USH2A: variants seen among roughly 807,000 people sequenced by gnomAD.
USH2A encodes the protein Usher syndrome 2A (autosomal recessive, mild).
A neutral mutation model predicts 538.9 loss-of-function variants in USH2A; 443 were observed. The ratio of observed to expected loss-of-function variants is 0.82; its 90% CI spans 0.76 to 0.89. The LOEUF is 0.89. USH2A is among the 40% of genes least tolerant of loss of function. The pLI, the probability that USH2A is intolerant of heterozygous loss-of-function variation, is 0.00. For missense variants in USH2A, 6,633 were observed against 6,324.8 expected (o/e 1.05, Z -1.65); for synonymous variants, 2,413 against 2,273.5 (o/e 1.06, Z -1.75).
At chr1:216,166,898 C>A (rs140433042) in intron 21 of USH2A, among the ~76,000 whole-genome samples, 5 of 152,086 alleles carry the variant, frequency 3.3e-5, no homozygotes, top group Non-Finnish European at 7.4e-5. Flanking sequence ...CCCAAGGATG[C>A]CCCTTTTTTG....
chr1:216,392,292 A>T (rs1032104852), intron 3 of USH2A, among the ~76,000 whole-genome samples: 1 of 151,970 alleles, frequency 6.6e-6, no homozygotes, highest in African/African-American at 2.4e-5. Context: ...AGGTCAGGAA[A>T]TCCCGACCAT....
chr1:215,641,279 T>G (rs1656676753), intron 67 of USH2A, among the ~76,000 whole-genome samples: 1 of 152,232 alleles, frequency 6.6e-6, no homozygotes, highest in Non-Finnish European at 1.5e-5. Context: ...TTAAAGCTTT[T>G]TCTCAAACTG....
chr1:216,077,779 A>G (rs1281754730), intron 27 of USH2A, among the ~76,000 whole-genome samples: 1 of 150,158 alleles, frequency 6.7e-6, no homozygotes, highest in Non-Finnish European at 1.5e-5. Flanking sequence ...ATTTATATAT[A>G]TAATTATGTA....
chr1:216,414,199 T>C (rs534054753), intron 3 of USH2A, among the ~76,000 whole-genome samples: 1 of 152,192 alleles, frequency 6.6e-6, no homozygotes, highest in African/African-American at 2.4e-5. Context: ...TTTCTAGTTT[T>C]AGTATAAAAA....
intron 4 of USH2A, among the ~76,000 whole-genome samples, chr1:216,333,727 A>G (rs1296770778): frequency 6.6e-6 from 1 of 152,092 alleles, no homozygotes; most frequent in African/African-American, 2.4e-5. Flanking sequence ...AGAAAAGGCC[A>G]TCTCCTACAT....
intron 49 of USH2A, among the ~76,000 whole-genome samples, chr1:215,804,280 A>G (rs1662428775): frequency 1.3e-5 from 2 of 152,092 alleles, no homozygotes; most frequent in African/African-American, 2.4e-5. Context: ...CAAAATTGAC[A>G]AATGGGATCT....
chr1:215,628,952 C>T lies in USH2A; in HGVS notation c.15381G>A (p.Pro5127=), dbSNP rs779438442. 10 of 1,613,978 alleles carry T rather than the reference C, an allele frequency of 6.2e-6. No homozygotes were observed. The East Asian group carries it at 6.7e-5, about 11-fold the overall frequency. The change falls in exon 71 of 72, where the codon CCG becomes CCA. Residue 5127 remains proline, a synonymous_variant. Coordinates refer to ENST00000307340, the MANE Select transcript of USH2A (RefSeq NM_206933.4). ...SNRSACVLRI[P]SQNQTSLTYS... is the part of the protein sequence containing the mutation. ...AGGTTAGGCTGGTTTGGTTTTGACT[C>T]GGGATGCGCAGGACACATGCACTCC...
chr1:216,070,504 T>C (rs970116848), intron 29 of USH2A, among the ~76,000 whole-genome samples: 1 of 152,148 alleles, frequency 6.6e-6, no homozygotes, highest in Non-Finnish European at 1.5e-5. Flanking sequence ...CAAAACTCCA[T>C]CGACATAACA....
chr1:216,421,437 G>T (rs975790140), intron 2 of USH2A, among the ~76,000 whole-genome samples: 2 of 152,086 alleles, frequency 1.3e-5, no homozygotes, highest in Non-Finnish European at 2.9e-5. Flanking sequence ...AGAACTATCT[G>T]CCTAATGAAA....
intron 4 of USH2A, among the ~76,000 whole-genome samples, chr1:216,345,486 A>T (rs1277790052): frequency 1.3e-5 from 2 of 152,134 alleles, no homozygotes; most frequent in Non-Finnish European, 2.9e-5. Flanking sequence ...GCATGCCAGC[A>T]AAAGGGTAAG....
At chr1:215,848,298 G>A (rs374888117) in intron 44 of USH2A, among the ~76,000 whole-genome samples, 5 of 152,150 alleles carry the variant, frequency 3.3e-5, no homozygotes, top group Non-Finnish European at 5.9e-5. Context: ...TTTGTTAAGT[G>A]AGCAGGCTGA....
At chr1:215,679,371 A>G (rs1571952748) in intron 62 of USH2A, among the ~76,000 whole-genome samples, 1 of 151,924 alleles carries the variant, frequency 6.6e-6, no homozygotes, top group Non-Finnish European at 1.5e-5. Flanking sequence ...AGGCTGGGGG[A>G]CTCTGCAGTC....
chr1:215,966,428 G>A (rs2102454878), intron 36 of USH2A, among the ~76,000 whole-genome samples: 1 of 152,192 alleles, frequency 6.6e-6, no homozygotes, highest in South Asian at 2.1e-4. Context: ...TTATTCTTAA[G>A]GTACAAGCTC....
At chr1:216,320,236 C>T (rs540259347) in intron 9 of USH2A, among the ~76,000 whole-genome samples, 10 of 152,060 alleles carry the variant, frequency 6.6e-5, no homozygotes, top group Admixed American at 2.6e-4. Flanking sequence ...TGTTTAGACA[C>T]GGCTGTTTAA....
chr1:215,932,785 A>G lies in USH2A; in HGVS notation c.7300+1831T>C, dbSNP rs76760977. On this transcript the variant is annotated intron_variant, in intron 38 of 71. Transcript: ENST00000307340. ...ATGGTAATGACACAGATAAGCATCC[A>G]CAGAGCAAAGATGAAGATAAGCCTC... 5.2e-3 allele frequency among the ~76,000 whole-genome samples: 788 copies of G among 152,160 alleles called. 9 individuals are homozygous for G. Among genetic ancestry groups the G allele is most frequent in the African/African-American group, 0.018 (748 of 41,544 alleles).
chr1:216,189,767 T>G (rs2034677577), intron 20 of USH2A, among the ~76,000 whole-genome samples: 1 of 151,894 alleles, frequency 6.6e-6, no homozygotes, highest in East Asian at 1.9e-4. Flanking sequence ...GAGCCAAGCC[T>G]ACAAAAAATG....
intron 40 of USH2A, among the ~76,000 whole-genome samples, chr1:215,894,925 C>T (rs1443937354): frequency 6.6e-6 from 1 of 152,162 alleles, no homozygotes; most frequent in Non-Finnish European, 1.5e-5. Flanking sequence ...TTAAAGTGCA[C>T]TCCAAATATA....
chr1:216,095,236 G>C (rs761532844), intron 22 of USH2A, among the ~76,000 whole-genome samples: 2 of 151,856 alleles, frequency 1.3e-5, no homozygotes, highest in Non-Finnish European at 2.9e-5. Context: ...TCGCTTCTTA[G>C]TGACAGTAGT....
At chr1:215,684,085 C>G (rs1026603700) in intron 61 of USH2A, among the ~76,000 whole-genome samples, 5 of 152,158 alleles carry the variant, frequency 3.3e-5, no homozygotes, top group African/African-American at 1.2e-4. Context: ...CAATGGGATT[C>G]AGCCTCTTTT....
Sources: allele counts gnomAD v4.1 joint callset (sites outside exome capture counted in the v4.1 genomes callset), GRCh38; gene constraint gnomAD v4.1.1; transcripts MANE v1.5; gene names NCBI Gene and HGNC (gene_info 2026-07-23, HGNC 2026-07-21).